The following MPV17 variants were observed in gnomAD, a reference collection of about 807,000 sequenced individuals.
MPV17 encodes MPV17, mitochondrial inner membrane protein.
MPV17 carries 31 observed loss-of-function variants against 28.6 expected under a neutral mutation model. That is an observed-to-expected ratio of 1.08 (90% CI 0.81 to 1.46). The LOEUF (loss-of-function observed/expected upper bound fraction) is 1.46. Ranked by LOEUF, MPV17 falls within the 40% of genes most tolerant of loss-of-function variation. MPV17 has a pLI of 0.00. For synonymous variants in MPV17, 87 were observed against 85.3 expected (o/e 1.02, Z -0.11); for missense variants, 198 against 216.2 (o/e 0.92, Z 0.53).
intron 2 of MPV17, 25 bp from the exon 3 acceptor site, chr2:27,313,134 C>A (rs756037819): frequency 9.9e-6 from 16 of 1,614,082 alleles, no homozygotes. Flanking sequence ...CAGGTGTTGT[C>A]AGGACATCTC....
intron 6 of MPV17, 127 bp from the exon 7 acceptor site, chr2:27,312,078 A>G: frequency 2.7e-6 from 4 of 1,459,410 alleles, no homozygotes; most frequent in Non-Finnish European, 3.8e-6. Flanking sequence ...TGGCTTCCCT[A>G]TTTATGGTGC....
At chr2:27,319,627 T>C (rs890372929) in intron 2 of MPV17, among the ~76,000 whole-genome samples, 29 of 151,012 alleles carry the variant, frequency 1.9e-4, no homozygotes, top group African/African-American at 6.8e-4. Context: ...TCACTGAGCA[T>C]TTAAAAACAT....
chr2:27,309,805 G>GCAACC lies in MPV17; in HGVS notation c.*102_*106dup. The GCAACC allele has an allele frequency of 1.1e-6, 1 of 893,996 alleles. No homozygotes were observed. The allele number at this position is 893,996 out of a possible 1,614,324, so 55.4% of individuals were successfully genotyped here. On this transcript the variant is annotated 3_prime_UTR_variant, in exon 8 of 8. Transcript: ENST00000380044. ...TGCTAGTCCTCTTAAGCTCTGACCG[G>GCAACC]CAACCCAACCCCGTGGAAACTGGTA...
chr2:27,318,415 T>A (rs1380167328), intron 2 of MPV17, among the ~76,000 whole-genome samples: 1 of 151,822 alleles, frequency 6.6e-6, no homozygotes, highest in Non-Finnish European at 1.5e-5. Flanking sequence ...TGGAGTGCAG[T>A]GGCAGGATCT....
chr2:27,321,814 T>C (rs1332588331), intron 2 of MPV17: 1 of 155,088 alleles, frequency 6.4e-6, no homozygotes, highest in Non-Finnish European at 1.4e-5. Context: ...GAGATACATA[T>C]TTAGGCAGTA....
intron 2 of MPV17, chr2:27,315,875 AATG>A (rs1306932368): frequency 3.6e-6 from 5 of 1,381,830 alleles, no homozygotes; most frequent in Non-Finnish European, 4.7e-6. Context: ...ACCCCCATTT[AATG>A]ATGAGTCTTT....
At position 27,317,713 on chromosome 2, in the gene MPV17, G is replaced by A. The variant is rs1679707921; in HGVS notation, c.71-4604C>T. On this transcript the variant is annotated intron_variant, in intron 2 of 7. Coordinates refer to ENST00000380044, the MANE Select transcript of MPV17 (RefSeq NM_002437.5). The surrounding 1 kb of genome is among the most constrained non-coding windows in gnomAD (Gnocchi z 4.0). ...TCAGCTGCTCCCACAGCAGGACCGA[G>A]TAGACTAAGATGGATGAAGCTCGGC... 6.6e-6 allele frequency among the ~76,000 whole-genome samples: 1 copy of A among 152,216 alleles called. No homozygotes were observed. Among genetic ancestry groups the A allele is most frequent in the African/African-American group, 2.4e-5 (1 of 41,454 alleles).
chr2:27,309,818 G>C lies in MPV17; in HGVS notation c.*94C>G, dbSNP rs942966851. 6.8e-6 allele frequency: 7 copies of C among 1,036,452 alleles called. No individual in the cohort carries two copies. Among genetic ancestry groups the C allele is most frequent in the Middle Eastern group, 2.1e-4 (1 of 4,680 alleles). 64.2% of individuals were successfully genotyped at this position (1,036,452 alleles called of 1,614,324 possible). ...AAGCTCTGACCGGCAACCCAACCCC[G>C]TGGAAACTGGTATGCCCACTTTGAG... is the stretch of plus-strand genomic sequence containing the variant. On this transcript the variant is annotated 3_prime_UTR_variant, in exon 8 of 8. Transcript: ENST00000380044.
intron 7 of MPV17, chr2:27,311,547 C>T (rs1221874957): frequency 2.0e-6 from 3 of 1,532,588 alleles, no homozygotes; most frequent in Non-Finnish European, 1.8e-6. Context: ...GACCAGGCTC[C>T]TACTTGGCCT....
chr2:27,316,520 G>A (rs1282389951), intron 2 of MPV17, among the ~76,000 whole-genome samples: 2 of 152,150 alleles, frequency 1.3e-5, no homozygotes, highest in African/African-American at 4.8e-5. Context: ...CTCCAAGGTG[G>A]TATAAGGCTT....
chr2:27,312,807 T>C lies in MPV17; in HGVS notation c.187-35A>G, dbSNP rs768542217. ...AACCCCAGATAGCAGCAGGCTGCAG[T>C]GAGGGAGCCCTAGGCCTCTACCTCA... On this transcript the variant is annotated intron_variant, in intron 3 of 7. Transcript: ENST00000380044. 1.9e-6 allele frequency: 3 copies of C among 1,606,424 alleles called. No homozygotes were observed. The Admixed American group carries it at 5.0e-5, about 27-fold the overall frequency.
intron 2 of MPV17, among the ~76,000 whole-genome samples, chr2:27,320,161 C>T (rs557240995): frequency 2.7e-5 from 4 of 150,818 alleles, no homozygotes; most frequent in South Asian, 2.1e-4. Flanking sequence ...CACTTGAACC[C>T]GGGAGGCGGA....
In MPV17 at chr2:27,312,763, C is replaced by T. The variant is rs863224073; in HGVS notation, c.196G>A (p.Val66Ile). 1 of 1,614,112 alleles carries T rather than the reference C, an allele frequency of 6.2e-7. No homozygotes were observed. Among genetic ancestry groups the T allele is most frequent in the Non-Finnish European group, 8.5e-7 (1 of 1,180,042 alleles). ...TCCAAAACCTTGTACCAGCCTCCTA[C>T]CACAGGGCCCTGGAAGTAAACCCCA... ...SLGCGFVGPV[V>I]GGWYKVLDRF... Residue 66 changes from valine to isoleucine, a missense_variant, in exon 4 of 8, where the codon GTA becomes ATA. Physicochemically the swap from Val to Ile is conservative, Grantham distance 29. Transcript: ENST00000380044.
intron 7 of MPV17, chr2:27,311,580 C>G (rs1361493662): frequency 6.5e-7 from 1 of 1,550,348 alleles, no homozygotes; most frequent in South Asian, 1.2e-5. Context: ...CTCTGTCTAA[C>G]CTAGGCTGCA....
At chr2:27,320,066 T>C (rs891784392) in intron 2 of MPV17, among the ~76,000 whole-genome samples, 1 of 151,618 alleles carries the variant, frequency 6.6e-6, no homozygotes, top group African/African-American at 2.4e-5. Flanking sequence ...TGAAATCCCG[T>C]CTCTACTAAA....
chr2:27,316,958 G>T, intron 2 of MPV17: 2 of 977,518 alleles, frequency 2.0e-6, no homozygotes, highest in Non-Finnish European at 3.0e-6. Flanking sequence ...GCCTGCCTCT[G>T]AGCAGATCAA....
rs766859811 is a variant in MPV17, at chr2:27,311,949, T to C, written c.411A>G (p.Leu137=). ...YPDALITNYY[L]WPAVQLANFY... is the part of the protein sequence containing the mutation. ...AGTTGGCTAACTGCACAGCAGGCCA[T>C]AGCTGCAAGAGAAAATGTAAAGGTT... is the stretch of plus-strand genomic sequence containing the variant. Residue 137 remains leucine, a splice_region_variant and synonymous_variant, in exon 7 of 8, where the codon CTA becomes CTG. Transcript: ENST00000380044. 2 of 1,613,522 alleles carry C rather than the reference T, an allele frequency of 1.2e-6. No individual in the cohort carries two copies. Among genetic ancestry groups the C allele is most frequent in the South Asian group, 2.2e-5 (2 of 90,816 alleles).
chr2:27,317,027 G>A lies in MPV17; in HGVS notation c.71-3918C>T. 2.7e-6 allele frequency: 4 copies of A among 1,485,098 alleles called. No homozygotes were observed. The highest frequency in any genetic ancestry group is 3.6e-6 in the Non-Finnish European group (4 of 1,104,148). The allele number at this position is 1,485,098 out of a possible 1,614,324, so 92.0% of individuals were successfully genotyped here. A position where few individuals can be genotyped will look rare whatever the true frequency, so the allele number is the denominator to read the frequency against. On this transcript the variant is annotated intron_variant, in intron 2 of 7. Coordinates refer to ENST00000380044, the MANE Select transcript of MPV17 (RefSeq NM_002437.5). The surrounding 1 kb of genome is among the most constrained non-coding windows in gnomAD (Gnocchi z 4.0). ...CCCCAACTTCCACACCCTCTTCCCG[G>A]GCATGGGCAGGGTAAATTCCCTACT...
Position 27,309,917 on chromosome 2 carries a change from GC to G in MPV17, c.525del (p.Leu176SerfsTer42). On this transcript the variant is annotated frameshift_variant, in exon 8 of 8. Transcript: ENST00000380044. LOFTEE classifies it high-confidence loss of function. Reference protein sequence around the residue: ...WNSYLSWKAHRL With the variant: ...WNSYLSWKAHXL ...AACGATGGAGTGAGGCAGGCTTAGA[GC>G]CGATGTGCCTTCCAGGACAGGTAGG... 6.2e-7 allele frequency: 1 copy of G among 1,613,714 alleles called. No homozygotes were observed. The highest frequency in any genetic ancestry group is 8.5e-7 in the Non-Finnish European group (1 of 1,179,596).
Sources: gnomAD v4.1 joint callset for allele counts (sites outside exome capture counted in the v4.1 genomes callset) on GRCh38, gnomAD v4.1.1 for gene constraint, Gnocchi (gnomAD v3.1) non-coding constraint, MANE v1.5 for transcripts, NCBI Gene and HGNC (gene_info 2026-07-23, HGNC 2026-07-21) for gene names.